The following GRAMD1B variants were observed in gnomAD, a reference collection of about 807,000 sequenced individuals.
GRAMD1B encodes protein Aster-B.
Under a neutral mutation model 99.7 loss-of-function variants are expected in GRAMD1B, and 37 were observed. The observed-to-expected ratio is 0.37, with a 90% confidence interval of 0.29 to 0.49. The LOEUF (loss-of-function observed/expected upper bound fraction) is 0.49, where lower values mean the gene tolerates loss of function less well. Ranked by LOEUF, GRAMD1B falls within the 20% of genes least tolerant of loss-of-function variation. The pLI is 0.98. For synonymous variants in GRAMD1B, 427 were observed against 387.6 expected, an observed-to-expected ratio of 1.10 and a Z score of -1.19; for missense variants, 888 against 1,009.2, an observed-to-expected ratio of 0.88 and a Z score of 1.63.
chr11:123,465,064 G>C (rs1950600455), intron 1 of GRAMD1B, among the ~76,000 whole-genome samples: 1 of 152,118 alleles, frequency 6.6e-6, no homozygotes, highest in Non-Finnish European at 1.5e-5. Flanking sequence ...TGGAACACTA[G>C]GAGTTTTAGA....
At chr11:123,486,906 T>TA (rs910799118) in intron 2 of GRAMD1B, among the ~76,000 whole-genome samples, 1 of 151,796 alleles carries the variant, frequency 6.6e-6, no homozygotes, top group Non-Finnish European at 1.5e-5. Context: ...CTGTCTCTAC[T>TA]AAAAATACAA....
chr11:123,566,980 A>G (rs1947466096), intron 2 of GRAMD1B, among the ~76,000 whole-genome samples: 1 of 152,228 alleles, frequency 6.6e-6, no homozygotes, highest in Admixed American at 6.5e-5. Context: ...AAGGGCAGTG[A>G]AAAGAAACAG....
intron 2 of GRAMD1B, among the ~76,000 whole-genome samples, chr11:123,483,869 G>A (rs1446919074): frequency 2.6e-5 from 4 of 152,128 alleles, no homozygotes; most frequent in Non-Finnish European, 5.9e-5. Flanking sequence ...AGTCTTGTGA[G>A]TTCTGCCCTG....
At chr11:123,617,413 T>A (rs181380312) in intron 17 of GRAMD1B, among the ~76,000 whole-genome samples, 128 of 152,226 alleles carry the variant, frequency 8.4e-4, no homozygotes, top group Admixed American at 1.4e-3. Flanking sequence ...GGTTTTGAAC[T>A]CCCCAGCTCA....
At chr11:123,480,222 A>G (rs1161480342) in intron 1 of GRAMD1B, among the ~76,000 whole-genome samples, 1 of 152,048 alleles carries the variant, frequency 6.6e-6, no homozygotes, top group Non-Finnish European at 1.5e-5. Flanking sequence ...TCCACCCTTT[A>G]TTCCTTCTTC....
rs1210169093 is a variant in GRAMD1B, at chr11:123,587,487, GT to G, written c.684+3157del. Reference sequence around the variant, plus strand: ...CCTTCAGCAGGGAGCCAAGGGCAGAGTTGAGGGGCAACCTGGCCAGGGCCAC... The same window carrying G: ...CCTTCAGCAGGGAGCCAAGGGCAGAGTGAGGGGCAACCTGGCCAGGGCCAC... On this transcript the variant is annotated intron_variant, in intron 4 of 19. Coordinates refer to ENST00000635736, the MANE Select transcript of GRAMD1B (RefSeq NM_001387025.1). This position sits in a 1 kb window ranked among gnomAD's most constrained non-coding sequence, Gnocchi z 4.2. 1.3e-5 allele frequency among the ~76,000 whole-genome samples: 2 copies of G among 152,242 alleles called. No homozygotes were observed. Among genetic ancestry groups the G allele is most frequent in the African/African-American group, 4.8e-5 (2 of 41,462 alleles).
chr11:123,399,269 C>A (rs1947573467), intron 1 of GRAMD1B, among the ~76,000 whole-genome samples: 2 of 152,198 alleles, frequency 1.3e-5, no homozygotes, highest in Admixed American at 1.3e-4. Context: ...GTACTGACTT[C>A]TTTTTAAAGG....
At chr11:123,618,499 C>T in intron 17 of GRAMD1B, 194 bp from the exon 18 acceptor site, 6 of 858,834 alleles carry the variant, frequency 7.0e-6, no homozygotes, top group South Asian at 6.8e-5. Flanking sequence ...CCATGGCTCT[C>T]CCCTGTATCC....
intron 1 of GRAMD1B, among the ~76,000 whole-genome samples, chr11:123,391,897 G>T (rs536731698): frequency 6.6e-6 from 1 of 152,324 alleles, no homozygotes; most frequent in African/African-American, 2.4e-5. Flanking sequence ...CATGGGGCCA[G>T]GGATAACAAA....
chr11:123,619,593 C>CT (rs1841521928), intron 19 of GRAMD1B: 2 of 1,084,848 alleles, frequency 1.8e-6, no homozygotes, highest in Admixed American at 4.3e-5. Flanking sequence ...GAGGGCATGT[C>CT]TTTGAGTTTT....
chr11:123,535,661 G>C (rs1402249098), intron 2 of GRAMD1B, among the ~76,000 whole-genome samples: 1 of 152,048 alleles, frequency 6.6e-6, no homozygotes, highest in Non-Finnish European at 1.5e-5. Context: ...GCTGGGTTAG[G>C]AGTGATTACA....
chr11:123,598,764 G>T, intron 7 of GRAMD1B: 1 of 919,896 alleles, frequency 1.1e-6, no homozygotes, highest in Non-Finnish European at 1.8e-6. Context: ...TGTCTCTTTC[G>T]GCCATCCAGG....
At chr11:123,569,252 G>T (rs2056317924) in intron 2 of GRAMD1B, among the ~76,000 whole-genome samples, 1 of 152,190 alleles carries the variant, frequency 6.6e-6, no homozygotes, top group African/African-American at 2.4e-5. Context: ...AAGGAGCTGA[G>T]ACCAGGAACT....
At chr11:123,522,008 A>T (rs1273446725) in intron 2 of GRAMD1B, among the ~76,000 whole-genome samples, 1 of 152,146 alleles carries the variant, frequency 6.6e-6, no homozygotes, top group Non-Finnish European at 1.5e-5. Context: ...ATTGCCAGAT[A>T]TGGAAGTCTT....
At chr11:123,559,952 T>C (rs1416981886) in intron 2 of GRAMD1B, among the ~76,000 whole-genome samples, 1 of 152,122 alleles carries the variant, frequency 6.6e-6, no homozygotes, top group African/African-American at 2.4e-5. Context: ...ACCTCCTTGA[T>C]ACAGGTCGAC....
At position 123,610,633 on chromosome 11, in the gene GRAMD1B, C is replaced by T. The variant is rs911075684; in HGVS notation, c.1919+295C>T. 2.6e-5 allele frequency among the ~76,000 whole-genome samples: 4 copies of T among 152,154 alleles called. No individual in the cohort carries two copies. The highest frequency in any genetic ancestry group is 4.1e-4 in the South Asian group (2 of 4,832). On this transcript the variant is annotated intron_variant, in intron 14 of 19. Coordinates refer to ENST00000635736, the MANE Select transcript of GRAMD1B (RefSeq NM_001387025.1). This position sits in a 1 kb window ranked among gnomAD's most constrained non-coding sequence, Gnocchi z 4.1. ...CCTACATTCACTGGAGTCTTTAGAA[C>T]GACTCAAAGAGGTGGATTTATCTTC... is the stretch of plus-strand genomic sequence containing the variant.
At chr11:123,518,241 C>G (rs1161799855) in intron 2 of GRAMD1B, among the ~76,000 whole-genome samples, 1 of 152,142 alleles carries the variant, frequency 6.6e-6, no homozygotes, top group Non-Finnish European at 1.5e-5. Context: ...AGCAAGCATG[C>G]AGAGAAACCA....
rs1301307776 is a variant in GRAMD1B, at chr11:123,610,317, C to T, written c.1898C>T (p.Ala633Val). The T allele has an allele frequency of 6.2e-7, 1 of 1,613,872 alleles. No homozygotes were observed. Among genetic ancestry groups the T allele is most frequent in the Non-Finnish European group, 8.5e-7 (1 of 1,179,894 alleles). ...TINRYTLTRV[A>V]RNKSRLRVST... ...AATCGCTACACGCTCACCCGTGTGG[C>T]TCGGAACAAGAGCCGACTCAGGTGT... Residue 633 changes from alanine to valine, a missense_variant, in exon 14 of 20, where the codon GCT (alanine) becomes GTT (valine). This residue lies in a region of GRAMD1B where 92 missense variants were observed against 156.9 expected (regional missense o/e 0.59). Transcript: ENST00000635736. This position sits in a 1 kb window ranked among gnomAD's most constrained non-coding sequence, Gnocchi z 4.1.
intron 4 of GRAMD1B, among the ~76,000 whole-genome samples, chr11:123,586,679 C>T (rs1950111239): frequency 6.6e-6 from 1 of 152,244 alleles, no homozygotes; most frequent in South Asian, 2.1e-4. Context: ...TCATCTGCGC[C>T]TCTTCAGGAG....
Sources: allele counts gnomAD v4.1 joint callset (sites outside exome capture counted in the v4.1 genomes callset), GRCh38; gene constraint gnomAD v4.1.1; regional missense constraint gnomAD v4.1.1; non-coding constraint Gnocchi (gnomAD v3.1); transcripts MANE v1.5; gene names NCBI Gene and HGNC (gene_info 2026-07-23, HGNC 2026-07-21).